Variants in CNTN6 observed in about 807,000 individuals in gnomAD.
CNTN6 encodes contactin 6, also known as contactin-6.
In CNTN6, 137 loss-of-function variants were observed where a neutral mutation model predicts 122.8. The ratio of observed to expected loss-of-function variants is 1.12; its 90% confidence interval spans 0.97 to 1.29. The LOEUF (loss-of-function observed/expected upper bound fraction) is 1.29, where lower values mean the gene tolerates loss of function less well. Ranked by LOEUF, CNTN6 falls within the 50% of genes most tolerant of loss-of-function variation. CNTN6 has a pLI of 0.00. For synonymous variants in CNTN6, 570 were observed against 426.0 expected (o/e 1.34, Z -4.16); for missense variants, 1,634 against 1,223.4 (o/e 1.34, Z -5.01).
intron 6 of CNTN6, 149 bp downstream of exon 6, chr3:1,295,953 C>G (rs1160966367): frequency 1.5e-6 from 1 of 670,798 alleles, no homozygotes; most frequent in Non-Finnish European, 2.5e-6. Context: ...AGAAATATAA[C>G]AGAAAATTAT....
At chr3:1,125,603 G>C (rs750197463) in intron 1 of CNTN6, among the ~76,000 whole-genome samples, 9 of 151,672 alleles carry the variant, frequency 5.9e-5, no homozygotes, top group Non-Finnish European at 8.8e-5. Flanking sequence ...AATGATAGAA[G>C]AACTAGTTCT....
At chr3:1,190,222 G>A (rs116632571) in intron 2 of CNTN6, among the ~76,000 whole-genome samples, 2,351 of 152,142 alleles carry the variant, frequency 0.015, 42 homozygotes, top group Non-Finnish European at 0.024. Context: ...TTTTATAAGC[G>A]CACTATCCCA....
chr3:1,374,133 A>C (rs1575932774), intron 16 of CNTN6, 60 bp downstream of exon 16: 2 of 1,443,488 alleles, frequency 1.4e-6, no homozygotes, highest in Admixed American at 4.3e-5. Context: ...TTCTTAAAAC[A>C]AAACAAGTAT....
chr3:1,364,891 T>A (rs1046385468), intron 12 of CNTN6, among the ~76,000 whole-genome samples: 2 of 151,954 alleles, frequency 1.3e-5, no homozygotes, highest in African/African-American at 4.8e-5. Context: ...ATATAATAAC[T>A]TTTAGCTCAC....
intron 11 of CNTN6, among the ~76,000 whole-genome samples, chr3:1,342,304 A>G (rs1704007162): frequency 2.0e-5 from 3 of 151,868 alleles, no homozygotes; most frequent in African/African-American, 7.3e-5. Context: ...TAATTTTTGT[A>G]TTTTTAGTAG....
intron 2 of CNTN6, among the ~76,000 whole-genome samples, chr3:1,207,746 T>C (rs1360169273): frequency 6.6e-6 from 1 of 152,226 alleles, no homozygotes; most frequent in East Asian, 1.9e-4. Context: ...GGCTCTAAGA[T>C]GGTTCTCGCA....
chr3:1,184,190 A>G (rs2093598458), intron 2 of CNTN6, among the ~76,000 whole-genome samples: 1 of 152,200 alleles, frequency 6.6e-6, no homozygotes, highest in African/African-American at 2.4e-5. Context: ...CCTACACTCA[A>G]AAACAAGGGA....
At chr3:1,213,711 T>A (rs2094082241) in intron 2 of CNTN6, among the ~76,000 whole-genome samples, 1 of 151,906 alleles carries the variant, frequency 6.6e-6, no homozygotes, top group South Asian at 2.1e-4. Flanking sequence ...AAAAATGAGA[T>A]CATACCATAG....
chr3:1,218,330 C>T (rs537900015), intron 2 of CNTN6, among the ~76,000 whole-genome samples: 21 of 152,062 alleles, frequency 1.4e-4, no homozygotes, highest in African/African-American at 4.6e-4. Flanking sequence ...AGAGAGCTCC[C>T]GTGTGATCTG....
chr3:1,315,479 A>C (rs184989854), intron 7 of CNTN6, among the ~76,000 whole-genome samples: 7 of 152,132 alleles, frequency 4.6e-5, no homozygotes, highest in Non-Finnish European at 1.5e-5. Context: ...ACCCATCTAA[A>C]GGTGAGTATC....
At chr3:1,115,938 TTGA>T (rs1464572231) in intron 1 of CNTN6, among the ~76,000 whole-genome samples, 1 of 152,030 alleles carries the variant, frequency 6.6e-6, no homozygotes, top group Non-Finnish European at 1.5e-5. Context: ...TAAAAATAAG[TTGA>T]TGATAGTAGC....
At chr3:1,333,626 T>C (rs890845582) in intron 11 of CNTN6, among the ~76,000 whole-genome samples, 2 of 152,248 alleles carry the variant, frequency 1.3e-5, no homozygotes, top group Admixed American at 1.3e-4. Flanking sequence ...CTGTCTACTT[T>C]GAAATTTCAT....
At chr3:1,314,182 T>G (rs372224436) in intron 7 of CNTN6, among the ~76,000 whole-genome samples, 1 of 152,136 alleles carries the variant, frequency 6.6e-6, no homozygotes, top group African/African-American at 2.4e-5. Context: ...TTATCCATAT[T>G]GTATTGCCAT....
chr3:1,335,080 T>C (rs1231945142), intron 11 of CNTN6, among the ~76,000 whole-genome samples: 1 of 152,136 alleles, frequency 6.6e-6, no homozygotes, highest in Non-Finnish European at 1.5e-5. Flanking sequence ...AAGTCAAAGA[T>C]CTGGGTTAAA....
intron 11 of CNTN6, among the ~76,000 whole-genome samples, chr3:1,345,643 T>C (rs909303584): frequency 7.2e-5 from 11 of 152,112 alleles, no homozygotes; most frequent in African/African-American, 2.7e-4. Context: ...TAAAATGCAA[T>C]ATTAATATTT....
At chr3:1,260,646 T>G (rs1278132656) in intron 4 of CNTN6, among the ~76,000 whole-genome samples, 1 of 152,066 alleles carries the variant, frequency 6.6e-6, no homozygotes, top group African/African-American at 2.4e-5. Context: ...TCTCATAATC[T>G]CCACCTGTTG....
intron 11 of CNTN6, among the ~76,000 whole-genome samples, chr3:1,336,926 A>C (rs949636021): frequency 1.3e-5 from 2 of 151,586 alleles, no homozygotes; most frequent in Non-Finnish European, 2.9e-5. Context: ...AAGGAAGCCA[A>C]AGTAAGAGAG....
chr3:1,352,829 A>AGCCT (rs1705871063), intron 12 of CNTN6, among the ~76,000 whole-genome samples: 2 of 151,916 alleles, frequency 1.3e-5, no homozygotes, highest in South Asian at 2.1e-4. Context: ...ATTTACATGT[A>AGCCT]TATAAGGCTA....
chr3:1,099,212 G>C (rs569633561), intron 1 of CNTN6, among the ~76,000 whole-genome samples: 9 of 152,236 alleles, frequency 5.9e-5, no homozygotes, highest in African/African-American at 1.7e-4. Context: ...AGCACTTTGG[G>C]AGGCCGAGGC....
Sources: gnomAD v4.1 joint callset for allele counts (sites outside exome capture counted in the v4.1 genomes callset) on GRCh38, gnomAD v4.1.1 for gene constraint, MANE v1.5 for transcripts, NCBI Gene and HGNC (gene_info 2026-07-23, HGNC 2026-07-21) for gene names.